Variants in EXOC6B observed in about 807,000 individuals in gnomAD.
The protein encoded by EXOC6B is SEC15 homolog B.
In EXOC6B, 54 loss-of-function variants were observed where a neutral mutation model predicts 113.5. That is an observed-to-expected ratio of 0.48 (90% confidence interval 0.38 to 0.60). The LOEUF (loss-of-function observed/expected upper bound fraction) is 0.60, where lower values mean the gene tolerates loss of function less well. Ranked by LOEUF, EXOC6B falls within the 20% of genes least tolerant of loss-of-function variation. The pLI, the probability that EXOC6B is intolerant of heterozygous loss-of-function variation, is 0.00. For synonymous variants in EXOC6B, 357 were observed against 339.0 expected (o/e 1.05, Z -0.58); for missense variants, 797 against 977.5 (o/e 0.82, Z 2.46).
chr2:72,188,255 C>T (rs1287757374), intron 20 of EXOC6B, among the ~76,000 whole-genome samples: 1 of 152,204 alleles, frequency 6.6e-6, no homozygotes, highest in Non-Finnish European at 1.5e-5. Context: ...TTTAGGGCAG[C>T]CACTATCATC....
intron 20 of EXOC6B, among the ~76,000 whole-genome samples, chr2:72,236,564 T>G (rs1681971411): frequency 6.6e-6 from 1 of 152,156 alleles, no homozygotes; most frequent in Admixed American, 6.6e-5. Context: ...TCTTGGAAAC[T>G]TCATGCTGGC....
intron 19 of EXOC6B, among the ~76,000 whole-genome samples, chr2:72,377,363 A>G (rs1367891566): frequency 6.6e-6 from 1 of 152,190 alleles, no homozygotes; most frequent in Non-Finnish European, 1.5e-5. Context: ...GTATATATCC[A>G]GAGGAGATGA....
chr2:72,407,634 T>A (rs536204360), intron 18 of EXOC6B, among the ~76,000 whole-genome samples: 4 of 152,220 alleles, frequency 2.6e-5, no homozygotes, highest in Non-Finnish European at 5.9e-5. Flanking sequence ...TCTCAATAGA[T>A]GCAGAAAAGG....
intron 18 of EXOC6B, among the ~76,000 whole-genome samples, chr2:72,445,039 C>T (rs1406210372): frequency 6.6e-6 from 1 of 152,132 alleles, no homozygotes; most frequent in African/African-American, 2.4e-5. Flanking sequence ...CTCTGTATCC[C>T]TTTTAAAATG....
rs1473967952 is a variant in EXOC6B at position 72,718,157 on chromosome 2, A to G, written c.615T>C (p.Phe205=). 6.2e-7 allele frequency: 1 copy of G among 1,613,754 alleles called. No homozygotes were observed. The highest frequency in any genetic ancestry group is 1.7e-5 in the Admixed American group (1 of 59,988). The part of the protein sequence containing the change: ...KDVSMSDLKD[F]LESIRKHSDK... ...CTGAATGTTTGCGGATGCTCTCCAG[A>G]AAGTCTTTGAGATCGGACATAGAAA... Residue 205 remains phenylalanine, a synonymous_variant, in exon 6 of 22, where the codon TTT becomes TTC. Coordinates refer to ENST00000272427, the MANE Select transcript of EXOC6B (RefSeq NM_015189.3).
chr2:72,686,019 A>G (rs1305030641), intron 6 of EXOC6B, among the ~76,000 whole-genome samples: 1 of 152,178 alleles, frequency 6.6e-6, no homozygotes, highest in Non-Finnish European at 1.5e-5. Context: ...CAATACATCA[A>G]CCATTGACTG....
At chr2:72,697,436 A>C (rs1677975607) in intron 6 of EXOC6B, among the ~76,000 whole-genome samples, 1 of 152,294 alleles carries the variant, frequency 6.6e-6, no homozygotes, top group Admixed American at 6.5e-5. Flanking sequence ...CTGTAATCCC[A>C]GAACTTTTGG....
intron 20 of EXOC6B, among the ~76,000 whole-genome samples, chr2:72,254,783 G>A (rs1228333131): frequency 6.6e-6 from 1 of 152,144 alleles, no homozygotes; most frequent in African/African-American, 2.4e-5. Flanking sequence ...AGAAAACTCG[G>A]CTGAATTATG....
rs201059659 is a variant in EXOC6B, at chr2:72,494,825, T to A, written c.1553+605A>T. ...AATTATTTCTATACCAAGCAGCATC[T>A]GACAAATAATACATTAGCCAAAATC... On this transcript the variant is annotated intron_variant, in intron 15 of 21. Coordinates refer to ENST00000272427, the MANE Select transcript of EXOC6B (RefSeq NM_015189.3). Among the ~76,000 whole-genome samples the A allele has an allele frequency of 9.9e-5, 15 of 152,250 alleles. No individual in the cohort carries two copies. In the East Asian group the frequency reaches 2.5e-3, roughly 26 times the overall value.
intron 17 of EXOC6B, among the ~76,000 whole-genome samples, chr2:72,470,833 A>G (rs1698363331): frequency 6.6e-6 from 1 of 152,014 alleles, no homozygotes; most frequent in Non-Finnish European, 1.5e-5. Flanking sequence ...TCCATGGTGT[A>G]TATGTGCCAA....
At chr2:72,344,378 T>C (rs1204400884) in intron 19 of EXOC6B, among the ~76,000 whole-genome samples, 1 of 152,148 alleles carries the variant, frequency 6.6e-6, no homozygotes, top group Non-Finnish European at 1.5e-5. Context: ...AACATCTTTA[T>C]GAGAGTTGTT....
At chr2:72,326,475 T>C (rs1688135873) in intron 20 of EXOC6B, among the ~76,000 whole-genome samples, 1 of 152,080 alleles carries the variant, frequency 6.6e-6, no homozygotes. Flanking sequence ...TTGACAATGC[T>C]GTCTGTGGAC....
intron 1 of EXOC6B, among the ~76,000 whole-genome samples, chr2:72,783,064 A>G (rs2104999860): frequency 6.6e-6 from 1 of 152,190 alleles, no homozygotes; most frequent in East Asian, 1.9e-4. Context: ...GGATCACATG[A>G]TAGTTCTATT....
At position 72,825,587 on chromosome 2, in the gene EXOC6B, G is replaced by T. The variant is rs1573859971; in HGVS notation, c.113+211C>A. Among the ~76,000 whole-genome samples the T allele has an allele frequency of 6.6e-6, 1 of 152,178 alleles. No homozygotes were observed. The highest frequency in any genetic ancestry group is 1.5e-5 in the Non-Finnish European group (1 of 68,024). On this transcript the variant is annotated intron_variant, in intron 1 of 21. Transcript: ENST00000272427. This position sits in a 1 kb window ranked among gnomAD's most constrained non-coding sequence, Gnocchi z 4.4. The stretch of plus-strand genomic sequence containing the variant: ...CTGCTCCTGCCCCGAGGGAGGCAGC[G>T]GGAGGGTCCTGAGTCACTGGGCTGT...
At chr2:72,612,840 G>C (rs12713774) in intron 6 of EXOC6B, among the ~76,000 whole-genome samples, 135,670 of 152,284 alleles carry the variant, frequency 0.89, 60,480 homozygotes, top group East Asian at 0.99. Flanking sequence ...GTTTTCTCTT[G>C]TAAGCACATG....
chr2:72,287,594 T>C (rs1220122216), intron 20 of EXOC6B, among the ~76,000 whole-genome samples: 2 of 151,734 alleles, frequency 1.3e-5, no homozygotes, highest in Non-Finnish European at 2.9e-5. Context: ...AAATAACCAA[T>C]AGTAGGAATG....
In EXOC6B at chr2:72,773,930, T is replaced by C. The variant is rs372298723; in HGVS notation, c.114-32461A>G. Among the ~76,000 whole-genome samples the C allele has an allele frequency of 2.0e-4, 31 of 152,342 alleles. No homozygotes were observed. The South Asian group carries it at 4.3e-3, about 21-fold the overall frequency. ...AATATTCTTTGGTATAATTTTAGAA[T>C]GTGACAAATGATACTTTCTTAAAGT... On this transcript the variant is annotated intron_variant, in intron 1 of 21. Transcript: ENST00000272427.
chr2:72,605,065 A>C (rs138241799), intron 6 of EXOC6B, among the ~76,000 whole-genome samples: 114 of 152,082 alleles, frequency 7.5e-4, no homozygotes, highest in African/African-American at 2.6e-3. Context: ...AGGGTGGATT[A>C]TGAGGTCGGG....
At position 72,752,548 on chromosome 2, in the gene EXOC6B, ACTCT is replaced by A. The variant is rs143358400; in HGVS notation, c.114-11083_114-11080del. Among the ~76,000 whole-genome samples, 586 of 85,518 alleles carry A rather than the reference ACTCT, an allele frequency of 6.9e-3. 4 individuals are homozygous for A. Among genetic ancestry groups the A allele is most frequent in the African/African-American group, 0.024 (531 of 22,556 alleles). The allele number at this position is 85,518 out of a possible 152,430, so 56.1% of individuals were successfully genotyped here. A position where few individuals can be genotyped will look rare whatever the true frequency, so the allele number is the denominator to read the frequency against. ...CCTTTCCCTTCCCTTTCTCTCTCTC[ACTCT>A]CTCTCTCTCTCTCTCTCTCCCTCCT... On this transcript the variant is annotated intron_variant, in intron 1 of 21. Transcript: ENST00000272427.
Sources: gnomAD v4.1 joint callset for allele counts (sites outside exome capture counted in the v4.1 genomes callset) on GRCh38, gnomAD v4.1.1 for gene constraint, Gnocchi (gnomAD v3.1) non-coding constraint, MANE v1.5 for transcripts, NCBI Gene and HGNC (gene_info 2026-07-23, HGNC 2026-07-21) for gene names.